The following TM4SF20 variants were observed in gnomAD, a reference collection of about 807,000 sequenced individuals.
TM4SF20 encodes transmembrane 4 L6 family member 20.
TM4SF20 carries 13 observed loss-of-function variants against 15.1 expected under a neutral mutation model. That is an observed-to-expected ratio of 0.86 (90% confidence interval 0.56 to 1.36). The LOEUF (loss-of-function observed/expected upper bound fraction) is 1.36. Ranked by LOEUF, TM4SF20 falls within the 40% of genes most tolerant of loss-of-function variation. The pLI is 0.00. For missense variants in TM4SF20, 282 were observed against 268.4 expected (o/e 1.05, Z -0.35); for synonymous variants, 92 against 96.6 (o/e 0.95, Z 0.28).
At position 227,370,907 on chromosome 2, in the gene TM4SF20, A is replaced by G. The variant is rs1560005286; in HGVS notation, c.249+8T>C. On this transcript the variant is annotated splice_region_variant and intron_variant, in intron 2 of 3. Coordinates refer to ENST00000304568, the MANE Select transcript of TM4SF20 (RefSeq NM_024795.4). Reference sequence around the variant, plus strand: ...CTTCTGCTTCCACGCCGACTGCTTCATACTTACTCCAGTTCTGTTGTTGCA... The same window carrying G: ...CTTCTGCTTCCACGCCGACTGCTTCGTACTTACTCCAGTTCTGTTGTTGCA... 4 of 1,613,616 alleles carry G rather than the reference A, an allele frequency of 2.5e-6. No individual in the cohort carries two copies. In the South Asian group the frequency reaches 4.4e-5, roughly 18 times the overall value.
At position 227,363,819 on chromosome 2, in the gene TM4SF20, C is replaced by T. The variant is rs1204906299; in HGVS notation, c.595G>A (p.Gly199Arg). 6 of 1,614,036 alleles carry T rather than the reference C, an allele frequency of 3.7e-6. No individual in the cohort carries two copies. Among genetic ancestry groups the T allele is most frequent in the Non-Finnish European group, 4.2e-6 (5 of 1,180,026 alleles). ...FSVFLGLLLV[G>R]ILEVLFGLSQ... Reference sequence around the variant, plus strand: ...AGCCCAAACAGGACCTCCAGAATTCCAACAAGCAATAGACCTAAAAATACT... The same window carrying T: ...AGCCCAAACAGGACCTCCAGAATTCTAACAAGCAATAGACCTAAAAATACT... Residue 199 changes from glycine (G) to arginine (R), a missense_variant, in exon 4 of 4, where the codon GGA becomes AGA. By Grantham distance (125) the Gly-to-Arg change is moderately radical (BLOSUM62 -2). Transcript: ENST00000304568.
intron 2 of TM4SF20, among the ~76,000 whole-genome samples, chr2:227,369,754 G>T (rs184566554): frequency 4.9e-4 from 75 of 152,198 alleles, no homozygotes; most frequent in Middle Eastern, 3.4e-3. Flanking sequence ...TGCTCTGAAA[G>T]CTCAAGCTCA....
At chr2:227,380,303 CT>C (rs2076473724), upstream of TM4SF20, among the ~76,000 whole-genome samples, 1 of 152,206 alleles carries the variant, frequency 6.6e-6, no homozygotes, top group South Asian at 2.1e-4. Context: ...GCACCCCAGC[CT>C]GGGCGACAGA....
rs536328555 is a variant in TM4SF20 at position 227,366,130 on chromosome 2, T to C, written c.364A>G (p.Ser122Gly). The C allele has an allele frequency of 1.5e-5, 24 of 1,613,816 alleles. No individual in the cohort carries two copies. The South Asian group carries it at 2.3e-4, about 16-fold the overall frequency. ...GPLMCNSPSN[S>G]NANCEFSLKN... The stretch of plus-strand genomic sequence containing the variant: ...AATGAAAATTCACAATTGGCATTAC[T>C]GTTGCTTGGAGAATTACACATGAGA... Residue 122 changes from serine (S) to glycine (G), a missense_variant, in exon 3 of 4, where the codon AGT becomes GGT. Ser to Gly is a moderately conservative substitution (Grantham distance 56). Transcript: ENST00000304568.
intron 1 of TM4SF20, among the ~76,000 whole-genome samples, chr2:227,377,713 C>T (rs982248623): frequency 6.6e-6 from 1 of 152,104 alleles, no homozygotes; most frequent in Admixed American, 6.6e-5. Flanking sequence ...CTTAAACTAA[C>T]GCATGAACAG....
At chr2:227,364,692 T>C (rs1430424238) in intron 3 of TM4SF20, among the ~76,000 whole-genome samples, 1 of 152,184 alleles carries the variant, frequency 6.6e-6, no homozygotes, top group Non-Finnish European at 1.5e-5. Flanking sequence ...ATGAGTGTTT[T>C]GTGAAATGTG....
At chr2:227,375,405 C>G (rs1191324594) in intron 1 of TM4SF20, among the ~76,000 whole-genome samples, 1 of 151,520 alleles carries the variant, frequency 6.6e-6, no homozygotes, top group Non-Finnish European at 1.5e-5. Flanking sequence ...AAACAATGAC[C>G]AAAAAAAACC....
chr2:227,370,961 A>C lies in TM4SF20; in HGVS notation c.203T>G (p.Met68Arg). The C allele has an allele frequency of 6.2e-7, 1 of 1,613,944 alleles. No individual in the cohort carries two copies. Among genetic ancestry groups the C allele is most frequent in the Non-Finnish European group, 8.5e-7 (1 of 1,179,910 alleles). ...CGCTCTTTTTCTTGCTGTCAAGGAC[A>C]TTGTTGTTGCTGGAATGGCCTGGAA... Reference protein sequence around the residue: ...AGLMAIPATTMSLTARKRACC... With the variant: ...AGLMAIPATTRSLTARKRACC... The change falls in exon 2 of 4, where the codon ATG becomes AGG. Residue 68 changes from methionine (M) to arginine (R), a missense_variant. By Grantham distance (91) the Met-to-Arg change is moderately conservative. Transcript: ENST00000304568.
chr2:227,378,225 G>C (rs1038150540), intron 1 of TM4SF20, among the ~76,000 whole-genome samples: 1 of 152,088 alleles, frequency 6.6e-6, no homozygotes, highest in East Asian at 1.9e-4. Context: ...TACACATATG[G>C]AAACAAAACC....
chr2:227,371,844 A>C (rs564883985), intron 1 of TM4SF20, among the ~76,000 whole-genome samples: 2 of 152,162 alleles, frequency 1.3e-5, no homozygotes, highest in Admixed American at 6.5e-5. Context: ...TATATCCATG[A>C]TATGTAATGA....
chr2:227,368,811 G>T (rs939242785), intron 2 of TM4SF20, among the ~76,000 whole-genome samples: 2 of 152,214 alleles, frequency 1.3e-5, no homozygotes, highest in Non-Finnish European at 2.9e-5. Flanking sequence ...CTGGAAAAAG[G>T]GAAGAAGCAA....
At chr2:227,374,881 AGG>A (rs2076439534) in intron 1 of TM4SF20, among the ~76,000 whole-genome samples, 1 of 150,724 alleles carries the variant, frequency 6.6e-6, no homozygotes, top group African/African-American at 2.4e-5. Context: ...GCTTGAACCC[AGG>A]AGTTTGACCC....
intron 3 of TM4SF20, among the ~76,000 whole-genome samples, 160 bp downstream of exon 3, chr2:227,365,933 A>G (rs1290318330): frequency 6.6e-6 from 1 of 152,208 alleles, no homozygotes; most frequent in Non-Finnish European, 1.5e-5. Flanking sequence ...TTTGATGTGG[A>G]GTTGTGCTAA....
intron 2 of TM4SF20, among the ~76,000 whole-genome samples, chr2:227,370,026 C>G (rs2076412872): frequency 6.6e-6 from 1 of 152,168 alleles, no homozygotes; most frequent in East Asian, 1.9e-4. Context: ...TTAAATGAAA[C>G]AGCATCTCTG....
intron 2 of TM4SF20, among the ~76,000 whole-genome samples, chr2:227,368,552 G>A (rs1057120590): frequency 1.3e-5 from 2 of 151,270 alleles, no homozygotes; most frequent in East Asian, 1.9e-4. Flanking sequence ...TTTTAGTAGA[G>A]ACAGGGTTTC....
intron 1 of TM4SF20, 124 bp downstream of exon 1, chr2:227,378,962 A>G (rs970167114): frequency 2.1e-5 from 18 of 865,442 alleles, no homozygotes; most frequent in Admixed American, 5.2e-5. Context: ...TTAATGCCAT[A>G]CTACTGCTCC....
intron 1 of TM4SF20, among the ~76,000 whole-genome samples, chr2:227,376,268 T>C (rs986652368): frequency 8.5e-5 from 13 of 152,258 alleles, no homozygotes; most frequent in African/African-American, 3.1e-4. Context: ...AGGCAGTGAT[T>C]TCTTCTCTAT....
chr2:227,364,105 G>A, intron 3 of TM4SF20, 93 bp from the exon 4 acceptor site: 3 of 1,279,532 alleles, frequency 2.3e-6, no homozygotes, highest in Non-Finnish European at 3.2e-6. Flanking sequence ...TGAAACGAAT[G>A]TACTTTTGAA....
At chr2:227,379,042 T>C in intron 1 of TM4SF20, 44 bp downstream of exon 1, 1 of 1,578,482 alleles carries the variant, frequency 6.3e-7, no homozygotes, top group Non-Finnish European at 8.6e-7. Context: ...TTTGGTGAAA[T>C]AGGCAGGCCC....
Sources: gnomAD v4.1 joint callset for allele counts (sites outside exome capture counted in the v4.1 genomes callset) on GRCh38, gnomAD v4.1.1 for gene constraint, MANE v1.5 for transcripts, NCBI Gene and HGNC (gene_info 2026-07-23, HGNC 2026-07-21) for gene names.